The following FAM111A variants were observed in gnomAD, a reference collection of about 807,000 sequenced individuals.
FAM111A encodes the protein FAM111 trypsin like peptidase A.
In FAM111A, 8 loss-of-function variants were observed where a neutral mutation model predicts 3.3. The ratio of observed to expected loss-of-function variants is 2.39; its 90% CI spans 1.40 to 4.32. The LOEUF is 4.32. Ranked by LOEUF, FAM111A falls within the 30% of genes most tolerant of loss-of-function variation. The pLI is 0.00. For synonymous variants in FAM111A, 227 were observed against 243.1 expected, an observed-to-expected ratio of 0.93 and a Z score of 0.62; for missense variants, 683 against 727.6, an observed-to-expected ratio of 0.94 and a Z score of 0.71.
At position 59,152,554 on chromosome 11, in the gene FAM111A, A is replaced by C; in HGVS notation, c.886A>C (p.Ile296Leu). The C allele has an allele frequency of 6.2e-7, 1 of 1,614,128 alleles. No individual in the cohort carries two copies. Among genetic ancestry groups the C allele is most frequent in the South Asian group, 1.1e-5 (1 of 91,080 alleles). Residue 296 changes from isoleucine to leucine, a missense_variant, in exon 6 of 6, where the codon ATC (isoleucine) becomes CTC (leucine). By Grantham distance (5) the Ile-to-Leu change is conservative (BLOSUM62 2). This residue lies in a region of FAM111A where 557 missense variants were observed against 600.2 expected (regional missense o/e 0.93). Coordinates refer to ENST00000675163, the MANE Select transcript of FAM111A (RefSeq NM_001312909.2). Reference protein sequence around the residue: ...KRNTCVLREQIVAQYPSLKRE... With the variant: ...KRNTCVLREQLVAQYPSLKRE... ...AAACACCTGTGTGTTGAGAGAACAA[A>C]TCGTGGCTCAGTACCCCAGTTTGAA...
In FAM111A at chr11:59,153,869, A is replaced by ATT. The variant is rs71036504; in HGVS notation, c.*381_*382dup. On this transcript the variant is annotated 3_prime_UTR_variant, in exon 6 of 6. Coordinates refer to ENST00000675163, the MANE Select transcript of FAM111A (RefSeq NM_001312909.2). ...GGCAAACGCCACCACACCCAGCTAAATTTTTTTTTTTTTTTTTGTATTTTT... is the reference window on the plus strand; with the variant it reads ...GGCAAACGCCACCACACCCAGCTAAATTTTTTTTTTTTTTTTTTTGTATTTTT... 5.1e-4 allele frequency: 73 copies of ATT among 142,524 alleles called. No individual in the cohort carries two copies. Among genetic ancestry groups the ATT allele is most frequent in the East Asian group, 2.8e-3 (14 of 4,932 alleles). 8.8% of individuals were successfully genotyped at this position (142,524 alleles called of 1,614,324 possible).
Position 59,152,229 on chromosome 11 carries a change from T to C in FAM111A, c.561T>C (p.His187=), listed in dbSNP as rs1251280870. 3 of 1,614,048 alleles carry C rather than the reference T, an allele frequency of 1.9e-6. No homozygotes were observed. The highest frequency in any genetic ancestry group is 2.2e-5 in the East Asian group (1 of 44,896). ...ASTECVKFYI[H]AIGIGKCKRR... ...CTGAATGTGTCAAATTTTACATTCA[T>C]GCAATTGGAATTGGGAAGTGTAAAA... The change falls in exon 6 of 6, where the codon CAT becomes CAC. Residue 187 remains histidine, a synonymous_variant. Transcript: ENST00000675163.
Position 59,153,141 on chromosome 11 carries a change from T to C in FAM111A, c.1473T>C (p.Gly491=). Reference sequence around the variant, plus strand: ...ATGCTTGTGCTGTGATCCCTCAGGGTCAGCGAGCAAAGAAATGTCAGGAAC... The same window carrying C: ...ATGCTTGTGCTGTGATCCCTCAGGGCCAGCGAGCAAAGAAATGTCAGGAAC... ...QIDACAVIPQ[G]QRAKKCQERV... is the part of the protein sequence containing the mutation. The change falls in exon 6 of 6, where the codon GGT becomes GGC. Residue 491 remains glycine, a synonymous_variant. Coordinates refer to ENST00000675163, the MANE Select transcript of FAM111A (RefSeq NM_001312909.2). 6.2e-7 allele frequency: 1 copy of C among 1,614,122 alleles called. No homozygotes were observed.
intron 4 of FAM111A, among the ~76,000 whole-genome samples, chr11:59,146,059 A>G (rs1860843067): frequency 6.6e-6 from 1 of 150,756 alleles, no homozygotes; most frequent in Non-Finnish European, 1.5e-5. Flanking sequence ...GTGTATATAT[A>G]TATTGTGTGT....
Position 59,152,283 on chromosome 11 carries a change from C to CA in FAM111A, c.620dup (p.Arg209AlafsTer30). On this transcript the variant is annotated frameshift_variant, in exon 6 of 6. Coordinates refer to ENST00000675163, the MANE Select transcript of FAM111A (RefSeq NM_001312909.2). LOFTEE classifies it low-confidence loss of function (END_TRUNC). ...GGATTGTTAAATGTGGGAAGCTTCA[C>CA]AAAAAGGGGCGCAAACTCTGTGTTT... 6.2e-7 allele frequency: 1 copy of CA among 1,614,074 alleles called. No homozygotes were observed. Among genetic ancestry groups the CA allele is most frequent in the Non-Finnish European group, 8.5e-7 (1 of 1,180,020 alleles).
intron 3 of FAM111A, chr11:59,144,110 A>G (rs913029109): frequency 1.3e-5 from 2 of 152,216 alleles, no homozygotes; most frequent in Admixed American, 6.5e-5. Flanking sequence ...AAATTCTGTC[A>G]AGTTATTGTT....
At chr11:59,149,035 C>T (rs1425485866) in intron 5 of FAM111A, 82 bp downstream of exon 5, 3 of 947,484 alleles carry the variant, frequency 3.2e-6, no homozygotes, top group Non-Finnish European at 5.1e-6. Context: ...CTCTTGGATA[C>T]CAAAATCCAT....
intron 3 of FAM111A, chr11:59,144,323 G>C (rs1326701300): frequency 6.6e-6 from 1 of 152,232 alleles, no homozygotes; most frequent in Non-Finnish European, 1.5e-5. Flanking sequence ...GGAGAAAGTA[G>C]ATCTTGCATC....
chr11:59,153,492 T>G lies in FAM111A; in HGVS notation c.1824T>G (p.Asp608Glu), dbSNP rs182238858. ...VNQQDVEMMS[D>E]EDL ...AGCAGGATGTAGAAATGATGAGTGATGAGGACTTGTGAGAATTCAGTCTAC... is the reference window on the plus strand; with the variant it reads ...AGCAGGATGTAGAAATGATGAGTGAGGAGGACTTGTGAGAATTCAGTCTAC... The change falls in exon 6 of 6, where the codon GAT becomes GAG. Residue 608 changes from aspartate to glutamate, a missense_variant. Around this residue, in one of 3 missense-constraint regions of FAM111A, gnomAD observed 122 missense variants for 110.9 expected, o/e 1.10. Coordinates refer to ENST00000675163, the MANE Select transcript of FAM111A (RefSeq NM_001312909.2). 8.8e-6 allele frequency: 14 copies of G among 1,598,126 alleles called. No individual in the cohort carries two copies. The Admixed American group carries it at 2.4e-4, about 28-fold the overall frequency.
chr11:59,146,597 GA>G lies in FAM111A; in HGVS notation c.-77+744del, dbSNP rs1450179454. Among the ~76,000 whole-genome samples the G allele has an allele frequency of 2.0e-5, 3 of 152,172 alleles. No individual in the cohort carries two copies. The East Asian group carries it at 5.8e-4, about 29-fold the overall frequency. On this transcript the variant is annotated intron_variant, in intron 4 of 5. Transcript: ENST00000675163. ...AATCATTGCTTCTTTTTACAAACAA[GA>G]AATTGAGGCTCAGAAAGGCTAAATG...
rs1474774014 is a variant in FAM111A, at chr11:59,149,401, G to A, written c.81+448G>A. On this transcript the variant is annotated intron_variant, in intron 5 of 5. Coordinates refer to ENST00000675163, the MANE Select transcript of FAM111A (RefSeq NM_001312909.2). ...GCCAAGAAATTACCTTGAGTGTTGG[G>A]CATATTAAATAAACTAAAATTGTCC... Among the ~76,000 whole-genome samples the A allele has an allele frequency of 3.4e-4, 52 of 152,082 alleles. 1 individual carries two copies. The highest frequency in any genetic ancestry group is 3.3e-3 in the Admixed American group (50 of 15,272).
intron 4 of FAM111A, among the ~76,000 whole-genome samples, chr11:59,147,514 C>T (rs1861082241): frequency 6.6e-6 from 1 of 152,184 alleles, no homozygotes; most frequent in Non-Finnish European, 1.5e-5. Flanking sequence ...AAATTTTTAA[C>T]AATCCATAGT....
At position 59,152,469 on chromosome 11, in the gene FAM111A, G is replaced by C. The variant is rs1342255334; in HGVS notation, c.801G>C (p.Glu267Asp). ...DELEGRYFQV[E>D]VEKRMVPSAA... ...TAGAAGGCAGATACTTTCAGGTTGA[G>C]GTTGAGAAAAGAATGGTCCCCAGTG... The change falls in exon 6 of 6, where the codon GAG (glutamate) becomes GAC (aspartate). Residue 267 changes from glutamate (E) to aspartate (D), a missense_variant. By Grantham distance (45) the Glu-to-Asp change is conservative. This residue lies in a region of FAM111A where 557 missense variants were observed against 600.2 expected (regional missense o/e 0.93). Coordinates refer to ENST00000675163, the MANE Select transcript of FAM111A (RefSeq NM_001312909.2). 1 of 1,611,086 alleles carries C rather than the reference G, an allele frequency of 6.2e-7. No individual in the cohort carries two copies. The highest frequency in any genetic ancestry group is 1.3e-5 in the African/African-American group (1 of 75,022).
chr11:59,145,670 A>G (rs1260764324), intron 3 of FAM111A, 157 bp from the exon 4 acceptor site: 1 of 152,112 alleles, frequency 6.6e-6, no homozygotes, highest in Non-Finnish European at 1.5e-5. Context: ...TTCCTAAAGC[A>G]CCCGGATCCT....
chr11:59,149,555 C>A (rs1861389420), intron 5 of FAM111A, among the ~76,000 whole-genome samples: 1 of 152,106 alleles, frequency 6.6e-6, no homozygotes. Flanking sequence ...ACAAAAACTT[C>A]AATACAATAT....
chr11:59,144,593 A>G (rs1165932383), intron 3 of FAM111A: 1 of 152,212 alleles, frequency 6.6e-6, no homozygotes, highest in Admixed American at 6.5e-5. Context: ...GGCTCTGGGG[A>G]TTAGGAAATT....
chr11:59,152,890 G>A lies in FAM111A; in HGVS notation c.1222G>A (p.Val408Ile), dbSNP rs1382094914. 1.9e-6 allele frequency: 3 copies of A among 1,614,028 alleles called. No individual in the cohort carries two copies. The highest frequency in any genetic ancestry group is 1.7e-5 in the Admixed American group (1 of 60,006). The change falls in exon 6 of 6, where the codon GTA becomes ATA. Residue 408 changes from valine to isoleucine, a missense_variant. By Grantham distance (29) the Val-to-Ile change is conservative. Coordinates refer to ENST00000675163, the MANE Select transcript of FAM111A (RefSeq NM_001312909.2). ...GTGGGCAACCATAATTGGTCAATGT[G>A]TAAGGGTGACATTTGGTTATGAAGA... Reference protein sequence around the residue: ...SKWATIIGQCVRVTFGYEELK... With the variant: ...SKWATIIGQCIRVTFGYEELK...
At chr11:59,146,108 C>T (rs966903154) in intron 4 of FAM111A, among the ~76,000 whole-genome samples, 8 of 143,924 alleles carry the variant, frequency 5.6e-5, no homozygotes, top group South Asian at 4.5e-4. Context: ...GATGAAGTCT[C>T]GCTCTGTTGC....
chr11:59,148,036 C>T (rs1172053935), intron 4 of FAM111A, among the ~76,000 whole-genome samples: 12 of 152,182 alleles, frequency 7.9e-5, no homozygotes, highest in Admixed American at 7.9e-4. Flanking sequence ...TGACATGTCT[C>T]AGACATTGTT....
Sources: allele counts gnomAD v4.1 joint callset (sites outside exome capture counted in the v4.1 genomes callset), GRCh38; gene constraint gnomAD v4.1.1; regional missense constraint gnomAD v4.1.1; transcripts MANE v1.5; gene names NCBI Gene and HGNC (gene_info 2026-07-23, HGNC 2026-07-21).